ASCC3: variants seen among roughly 807,000 people sequenced by gnomAD.
ASCC3 encodes the protein ASC-1 complex subunit P200.
ASCC3 carries 158 observed loss-of-function variants against 256.3 expected under a neutral mutation model. The ratio of observed to expected loss-of-function variants is 0.62; its 90% CI spans 0.54 to 0.70. ASCC3 has a LOEUF of 0.70. Ranked by LOEUF, ASCC3 falls within the 30% of genes least tolerant of loss-of-function variation. The pLI, the probability that ASCC3 is intolerant of heterozygous loss-of-function variation, is 0.00. For missense variants in ASCC3, 2,259 were observed against 2,626.0 expected (o/e 0.86, Z 3.05); for synonymous variants, 948 against 883.4 (o/e 1.07, Z -1.30).
chr6:100,705,642 T>G (rs1355980842), intron 13 of ASCC3, among the ~76,000 whole-genome samples: 1 of 151,820 alleles, frequency 6.6e-6, no homozygotes, highest in African/African-American at 2.4e-5. Flanking sequence ...AGTATTCACT[T>G]TTTTTTAACT....
intron 10 of ASCC3, among the ~76,000 whole-genome samples, chr6:100,740,463 C>A (rs1168069741): frequency 1.3e-5 from 2 of 152,058 alleles, no homozygotes; most frequent in Non-Finnish European, 2.9e-5. Context: ...TTGATCCAAA[C>A]CTGGGGGCAG....
At chr6:100,865,953 C>CATTTATTTATTT (rs59777780) in intron 2 of ASCC3, among the ~76,000 whole-genome samples, 3,839 of 148,812 alleles carry the variant, frequency 0.026, 96 homozygotes, top group East Asian at 0.095. Flanking sequence ...TAAATAATTT[C>CATTTATTTATTT]ATTTATTTAT....
intron 8 of ASCC3, among the ~76,000 whole-genome samples, chr6:100,798,173 C>T (rs1769727095): frequency 6.6e-6 from 1 of 151,938 alleles, no homozygotes; most frequent in African/African-American, 2.4e-5. Context: ...AATACTTTAA[C>T]CTAAACTAAG....
intron 10 of ASCC3, among the ~76,000 whole-genome samples, chr6:100,740,549 A>G (rs78642650): frequency 6.6e-6 from 1 of 152,276 alleles, no homozygotes; most frequent in East Asian, 1.9e-4. Flanking sequence ...GTCTCCCACT[A>G]TTACTGTGTG....
intron 38 of ASCC3, among the ~76,000 whole-genome samples, chr6:100,517,493 G>A (rs921762364): frequency 6.6e-6 from 1 of 152,012 alleles, no homozygotes; most frequent in African/African-American, 2.4e-5. Flanking sequence ...TGAGACTTAC[G>A]GGTTTGGTGC....
At chr6:100,556,822 A>G (rs962439725) in intron 36 of ASCC3, among the ~76,000 whole-genome samples, 2 of 151,996 alleles carry the variant, frequency 1.3e-5, no homozygotes, top group African/African-American at 4.8e-5. Flanking sequence ...AATAGGAGCT[A>G]AAGAGTGAAC....
At chr6:100,684,466 G>A (rs927284085) in intron 13 of ASCC3, among the ~76,000 whole-genome samples, 3 of 152,172 alleles carry the variant, frequency 2.0e-5, no homozygotes, top group Admixed American at 6.5e-5. Flanking sequence ...GCATTTCTAA[G>A]GAGTTCAAAG....
intron 10 of ASCC3, among the ~76,000 whole-genome samples, chr6:100,746,054 A>T (rs776034282): frequency 1.1e-4 from 17 of 149,830 alleles, no homozygotes; most frequent in Non-Finnish European, 2.4e-4. Context: ...TACTTATTGA[A>T]AACTTATTGT....
Position 100,601,888 on chromosome 6 carries a change from C to A in ASCC3, c.5225G>T (p.Gly1742Val), listed in dbSNP as rs1376852199. The A allele has an allele frequency of 1.2e-6, 2 of 1,612,396 alleles. No individual in the cohort carries two copies. The highest frequency in any genetic ancestry group is 1.3e-5 in the African/African-American group (1 of 74,822). Residue 1742 changes from glycine to valine, a missense_variant, in exon 34 of 42, where the codon GGT becomes GTT. Transcript: ENST00000369162. Reference protein sequence around the residue: ...SDHLNAEIAGGTITSKQDALD... With the variant: ...SDHLNAEIAGVTITSKQDALD... ...TGCATCTTGCTTAGATGTAATTGTA[C>A]CACCAGCAATCTCTGCATTTAAGTG...
At chr6:100,677,589 G>A (rs1313245558) in intron 14 of ASCC3, among the ~76,000 whole-genome samples, 1 of 152,014 alleles carries the variant, frequency 6.6e-6, no homozygotes, top group African/African-American at 2.4e-5. Context: ...GGTCAGATGA[G>A]AAAATTAAAG....
At chr6:100,704,214 G>A (rs1039110784) in intron 13 of ASCC3, among the ~76,000 whole-genome samples, 18 of 151,860 alleles carry the variant, frequency 1.2e-4, no homozygotes, top group Non-Finnish European at 2.7e-4. Context: ...ACTATCTTTA[G>A]TGGTAAAGAT....
intron 4 of ASCC3, among the ~76,000 whole-genome samples, chr6:100,807,314 A>G (rs1770238195): frequency 1.3e-5 from 2 of 151,200 alleles, no homozygotes; most frequent in South Asian, 4.2e-4. Context: ...CCCCTCAAAA[A>G]AAAGATATTA....
chr6:100,555,668 G>T (rs1216557964), intron 36 of ASCC3, among the ~76,000 whole-genome samples: 1 of 152,056 alleles, frequency 6.6e-6, no homozygotes, highest in Non-Finnish European at 1.5e-5. Context: ...CTGTTTTAAA[G>T]GCTACAATAA....
intron 12 of ASCC3, among the ~76,000 whole-genome samples, chr6:100,715,975 T>A (rs1779070532): frequency 6.6e-6 from 1 of 151,806 alleles, no homozygotes; most frequent in South Asian, 2.1e-4. Flanking sequence ...AAGTGTCAAA[T>A]GGCACACAGA....
chr6:100,786,170 T>C (rs1769068182), intron 8 of ASCC3, among the ~76,000 whole-genome samples: 1 of 152,158 alleles, frequency 6.6e-6, no homozygotes, highest in Non-Finnish European at 1.5e-5. Flanking sequence ...AGATTGTACA[T>C]CTGGGTTTTC....
chr6:100,685,412 C>T (rs942562761), intron 13 of ASCC3, among the ~76,000 whole-genome samples: 13 of 152,154 alleles, frequency 8.5e-5, no homozygotes, highest in Non-Finnish European at 1.2e-4. Flanking sequence ...TAAAGACCTA[C>T]ATAAATAGTG....
At chr6:100,677,353 CATG>C (rs1777076642) in intron 14 of ASCC3, among the ~76,000 whole-genome samples, 1 of 143,500 alleles carries the variant, frequency 7.0e-6, no homozygotes, top group South Asian at 2.4e-4. Context: ...AAAAAGACCC[CATG>C]CCCTAAGGTC....
intron 10 of ASCC3, 95 bp downstream of exon 10, chr6:100,766,470 G>T: frequency 8.1e-7 from 1 of 1,232,450 alleles, no homozygotes; most frequent in Non-Finnish European, 1.2e-6. Flanking sequence ...TTTGTATTAT[G>T]TATTCTAGTT....
chr6:100,689,728 A>C (rs563252467), intron 13 of ASCC3, among the ~76,000 whole-genome samples: 17 of 152,222 alleles, frequency 1.1e-4, no homozygotes, highest in Non-Finnish European at 1.8e-4. Context: ...TGAGGTAACA[A>C]GCAAACTTCC....
Sources: gnomAD v4.1 joint callset for allele counts (sites outside exome capture counted in the v4.1 genomes callset) on GRCh38, gnomAD v4.1.1 for gene constraint, MANE v1.5 for transcripts, NCBI Gene and HGNC (gene_info 2026-07-23, HGNC 2026-07-21) for gene names.